The following GMDS variants were observed in gnomAD, a reference collection of about 807,000 sequenced individuals.
GMDS encodes the protein GDP-mannose 4,6 dehydratase.
A neutral mutation model predicts 49.9 loss-of-function variants in GMDS; 20 were observed. The ratio of observed to expected loss-of-function variants is 0.40; its 90% confidence interval spans 0.28 to 0.58. The LOEUF is 0.58. Ranked by LOEUF, GMDS falls within the 20% of genes least tolerant of loss-of-function variation. GMDS has a pLI of 0.42. For missense variants in GMDS, 362 were observed against 481.4 expected (o/e 0.75, Z 2.32); for synonymous variants, 177 against 178.6 (o/e 0.99, Z 0.07).
chr6:2,095,747 T>C (rs1357141934), intron 4 of GMDS, among the ~76,000 whole-genome samples: 1 of 152,212 alleles, frequency 6.6e-6, no homozygotes, highest in Non-Finnish European at 1.5e-5. Context: ...ACCTTGGAAG[T>C]CATTTGAACA....
chr6:1,633,411 G>A (rs529620349), intron 9 of GMDS, among the ~76,000 whole-genome samples: 6 of 152,192 alleles, frequency 3.9e-5, no homozygotes, highest in Non-Finnish European at 7.3e-5. Flanking sequence ...AGAAGCAAAC[G>A]TGGACAAGAG....
intron 6 of GMDS, among the ~76,000 whole-genome samples, chr6:1,950,107 GAA>G (rs1447355713): frequency 6.6e-6 from 1 of 152,158 alleles, no homozygotes; most frequent in Admixed American, 6.5e-5. Context: ...TACACAGAGA[GAA>G]AGTGTTTTCT....
chr6:1,700,922 G>T (rs1231475360), intron 9 of GMDS, among the ~76,000 whole-genome samples: 1 of 152,138 alleles, frequency 6.6e-6, no homozygotes, highest in African/African-American at 2.4e-5. Flanking sequence ...GTCAAGAAGG[G>T]TCAGTCATAA....
intron 1 of GMDS, among the ~76,000 whole-genome samples, chr6:2,126,527 G>A (rs773836713): frequency 6.6e-6 from 1 of 152,208 alleles, no homozygotes; most frequent in Non-Finnish European, 1.5e-5. Context: ...TGCCAAGTGT[G>A]TGTTTACTAC....
intron 9 of GMDS, among the ~76,000 whole-genome samples, chr6:1,649,997 T>C (rs1206022986): frequency 6.6e-6 from 1 of 152,204 alleles, no homozygotes; most frequent in Non-Finnish European, 1.5e-5. Context: ...CTTCTGAAAG[T>C]AACTTCCGAA....
intron 7 of GMDS, among the ~76,000 whole-genome samples, chr6:1,794,230 T>C (rs529239584): frequency 1.5e-3 from 226 of 152,302 alleles, no homozygotes; most frequent in African/African-American, 5.0e-3. Flanking sequence ...AGTTAAATAA[T>C]TGCATTCCAA....
intron 7 of GMDS, among the ~76,000 whole-genome samples, chr6:1,750,850 G>A (rs1206476941): frequency 6.6e-6 from 1 of 152,346 alleles, no homozygotes; most frequent in East Asian, 1.9e-4. Flanking sequence ...CAGCACAGCA[G>A]TATGAAGTTG....
At chr6:2,190,292 G>A (rs1196916014) in intron 1 of GMDS, among the ~76,000 whole-genome samples, 4 of 152,040 alleles carry the variant, frequency 2.6e-5, no homozygotes, top group Non-Finnish European at 5.9e-5. Context: ...CATTTTGATT[G>A]CTTGTTTTCT....
intron 7 of GMDS, among the ~76,000 whole-genome samples, chr6:1,798,512 T>A (rs1769825885): frequency 6.6e-6 from 1 of 152,204 alleles, no homozygotes; most frequent in Non-Finnish European, 1.5e-5. Flanking sequence ...TGGAAGAGCA[T>A]CCAGGCTTTC....
chr6:1,720,439 T>G (rs763590880), intron 9 of GMDS, among the ~76,000 whole-genome samples: 1 of 152,006 alleles, frequency 6.6e-6, no homozygotes, highest in East Asian at 1.9e-4. Context: ...GATATAAAGA[T>G]TAGTATGAGG....
chr6:1,874,703 A>T (rs894633324), intron 7 of GMDS, among the ~76,000 whole-genome samples: 20 of 152,228 alleles, frequency 1.3e-4, no homozygotes, highest in Non-Finnish European at 2.9e-5. Context: ...TATATATAAT[A>T]TACATCAGCA....
intron 1 of GMDS, among the ~76,000 whole-genome samples, chr6:2,156,340 G>A (rs919415409): frequency 3.9e-5 from 6 of 152,038 alleles, no homozygotes; most frequent in Non-Finnish European, 7.4e-5. Flanking sequence ...CACTATCACG[G>A]TGAATTTTTT....
intron 7 of GMDS, among the ~76,000 whole-genome samples, chr6:1,851,260 G>T (rs544343694): frequency 0.028 from 4,283 of 152,276 alleles, 197 homozygotes; most frequent in African/African-American, 0.097. Context: ...GAAAGGCCGA[G>T]TGATTAGCTA....
chr6:1,860,596 C>CAT (rs1758136337), intron 7 of GMDS, among the ~76,000 whole-genome samples: 1 of 152,106 alleles, frequency 6.6e-6, no homozygotes, highest in Non-Finnish European at 1.5e-5. Flanking sequence ...ATACTAATAA[C>CAT]AGTACATTTA....
intron 7 of GMDS, among the ~76,000 whole-genome samples, chr6:1,868,302 C>T (rs116257390): frequency 6.6e-6 from 1 of 152,136 alleles, no homozygotes; most frequent in East Asian, 1.9e-4. Context: ...GCTGTTCTGT[C>T]ATCATGTTTA....
chr6:1,701,779 C>T (rs1765552036), intron 9 of GMDS, among the ~76,000 whole-genome samples: 2 of 152,016 alleles, frequency 1.3e-5, no homozygotes, highest in South Asian at 2.1e-4. Flanking sequence ...TTCCATACCT[C>T]TATAAATGTG....
chr6:1,715,997 C>T (rs1300268587), intron 9 of GMDS, among the ~76,000 whole-genome samples: 2 of 152,168 alleles, frequency 1.3e-5, no homozygotes, highest in East Asian at 3.8e-4. Flanking sequence ...CCACTGACCT[C>T]TTTTCAAAAA....
intron 6 of GMDS, 95 bp from the exon 7 acceptor site, chr6:1,930,325 T>C: frequency 1.1e-6 from 1 of 936,604 alleles, no homozygotes; most frequent in South Asian, 1.6e-5. Context: ...TGGGCATTTC[T>C]TTCATTCTAC....
intron 9 of GMDS, among the ~76,000 whole-genome samples, chr6:1,706,270 A>G (rs755039188): frequency 2.6e-5 from 4 of 152,164 alleles, no homozygotes; most frequent in Non-Finnish European, 4.4e-5. Context: ...GGTGGTGGGC[A>G]GGTGCTGAGG....
Sources: allele counts gnomAD v4.1 joint callset (sites outside exome capture counted in the v4.1 genomes callset), GRCh38; gene constraint gnomAD v4.1.1; transcripts MANE v1.5; gene names NCBI Gene and HGNC (gene_info 2026-07-23, HGNC 2026-07-21).